ABTB3: variants seen among roughly 807,000 people sequenced by gnomAD.
ABTB3 encodes ankyrin repeat and BTB domain containing 3, also known as ankyrin repeat- and BTB/POZ domain-containing protein 3.
At chr12:107,541,629 G>A in the ABTB3 span, among the ~76,000 whole-genome samples, 8 of 152,212 alleles carry the variant, frequency 5.3e-5, no homozygotes, top group Non-Finnish European at 1.2e-4. Flanking sequence ...TTCTCTTAAA[G>A]CCTTCAATTA....
the ABTB3 span, among the ~76,000 whole-genome samples, chr12:107,508,013 A>G: frequency 2.6e-5 from 4 of 152,166 alleles, no homozygotes; most frequent in South Asian, 2.1e-4. Context: ...TTTAATTTTC[A>G]TTGAAGTCCT....
At chr12:107,602,051 G>A in the ABTB3 span, among the ~76,000 whole-genome samples, 3 of 152,154 alleles carry the variant, frequency 2.0e-5, no homozygotes, top group East Asian at 1.9e-4. Context: ...GGGAGCTGCC[G>A]GTTACCTTCT....
chr12:107,405,545 C>T, the ABTB3 span, among the ~76,000 whole-genome samples: 940 of 152,348 alleles, frequency 6.2e-3, 13 homozygotes, highest in African/African-American at 0.021. Flanking sequence ...AGAGCTGGCA[C>T]GGCTGTCCGG....
the ABTB3 span, among the ~76,000 whole-genome samples, chr12:107,497,874 A>AT: frequency 3.3e-5 from 5 of 152,044 alleles, no homozygotes; most frequent in Non-Finnish European, 5.9e-5. Flanking sequence ...GGAAGGAGTG[A>AT]TTTTTCCCTC....
chr12:107,525,652 C>T, the ABTB3 span, among the ~76,000 whole-genome samples: 2 of 152,178 alleles, frequency 1.3e-5, no homozygotes, highest in Non-Finnish European at 2.9e-5. Flanking sequence ...TGAATCAATG[C>T]TGGGCTGTAT....
chr12:107,331,117 G>A, the ABTB3 span, among the ~76,000 whole-genome samples: 3 of 152,188 alleles, frequency 2.0e-5, no homozygotes, highest in Non-Finnish European at 2.9e-5. Context: ...GTCATGAGGT[G>A]CACAAGAAGC....
At chr12:107,517,680 G>T in the ABTB3 span, among the ~76,000 whole-genome samples, 7 of 152,090 alleles carry the variant, frequency 4.6e-5, no homozygotes, top group African/African-American at 1.4e-4. Flanking sequence ...GTCTGTTATT[G>T]GTGTTATTGG....
At chr12:107,585,394 A>C in the ABTB3 span, among the ~76,000 whole-genome samples, 9 of 152,298 alleles carry the variant, frequency 5.9e-5, no homozygotes, top group Admixed American at 3.9e-4. Context: ...CTGAGTCATT[A>C]CATTCTTGCC....
the ABTB3 span, among the ~76,000 whole-genome samples, chr12:107,593,599 GA>G: frequency 2.6e-5 from 4 of 152,166 alleles, no homozygotes; most frequent in Non-Finnish European, 5.9e-5. Flanking sequence ...ATCTAAACTT[GA>G]AAACCATTTG....
the ABTB3 span, among the ~76,000 whole-genome samples, chr12:107,325,881 A>G: frequency 5.9e-5 from 9 of 152,226 alleles, no homozygotes; most frequent in African/African-American, 2.2e-4. Flanking sequence ...TTTATGTATT[A>G]TAATCATTAT....
At chr12:107,639,658 G>T in the ABTB3 span, among the ~76,000 whole-genome samples, 1 of 152,140 alleles carries the variant, frequency 6.6e-6, no homozygotes, top group Admixed American at 6.5e-5. Context: ...CAAATCGGAG[G>T]ATCCTAGTGT....
the ABTB3 span, among the ~76,000 whole-genome samples, chr12:107,540,693 G>A: frequency 3.9e-5 from 6 of 152,046 alleles, no homozygotes; most frequent in Admixed American, 3.9e-4. Context: ...AGAAATAGGG[G>A]CTGCTTGTGG....
the ABTB3 span, among the ~76,000 whole-genome samples, chr12:107,353,108 C>T: frequency 6.6e-6 from 1 of 152,156 alleles, no homozygotes; most frequent in African/African-American, 2.4e-5. Flanking sequence ...CACTCAAGGC[C>T]AAGAGTCAGG....
chr12:107,425,933 A>G, the ABTB3 span, among the ~76,000 whole-genome samples: 1 of 152,328 alleles, frequency 6.6e-6, no homozygotes, highest in African/African-American at 2.4e-5. Flanking sequence ...CATCCATCAC[A>G]GCCTTCTGAG....
the ABTB3 span, among the ~76,000 whole-genome samples, chr12:107,564,394 G>A: frequency 4.6e-5 from 7 of 152,286 alleles, 1 homozygote; most frequent in South Asian, 1.5e-3. Context: ...TAAAGACCCA[G>A]TCTAATCTCT....
chr12:107,572,642 G>A, the ABTB3 span, among the ~76,000 whole-genome samples: 2 of 152,088 alleles, frequency 1.3e-5, no homozygotes, highest in African/African-American at 4.8e-5. Context: ...CCTAAATACC[G>A]ATGGGAAACA....
At chr12:107,385,168 C>T in the ABTB3 span, among the ~76,000 whole-genome samples, 1 of 152,174 alleles carries the variant, frequency 6.6e-6, no homozygotes, top group Non-Finnish European at 1.5e-5. Context: ...CCTCATCCCA[C>T]ATTTAGGTAT....
chr12:107,475,213 A>T, the ABTB3 span, among the ~76,000 whole-genome samples: 2 of 152,114 alleles, frequency 1.3e-5, no homozygotes, highest in Non-Finnish European at 2.9e-5. Context: ...CCTGGACTCG[A>T]GGTAAGGAAG....
chr12:107,559,121 C>A, the ABTB3 span, among the ~76,000 whole-genome samples: 1 of 152,222 alleles, frequency 6.6e-6, no homozygotes, highest in African/African-American at 2.4e-5. Flanking sequence ...GACCTAGCCC[C>A]AGGGGACTGG....
Sources: allele counts gnomAD v4.1 joint callset (sites outside exome capture counted in the v4.1 genomes callset), GRCh38; gene constraint gnomAD v4.1.1; transcripts MANE v1.5; gene names NCBI Gene and HGNC (gene_info 2026-07-23, HGNC 2026-07-21).